SKAP1: variants seen among roughly 807,000 people sequenced by gnomAD.
SKAP1 encodes src kinase associated phosphoprotein 1, also known as src kinase-associated phosphoprotein 1.
A neutral mutation model predicts 58.5 loss-of-function variants in SKAP1; 44 were observed. That is an observed-to-expected ratio of 0.75 (90% CI 0.59 to 0.97). SKAP1 has a LOEUF of 0.97. Among genes scored for constraint, SKAP1 ranks in the 50% least tolerant of loss-of-function variants. The pLI is 0.00. For missense variants in SKAP1, 390 were observed against 435.2 expected, an observed-to-expected ratio of 0.90 and a Z score of 0.92; for synonymous variants, 127 against 149.7, an observed-to-expected ratio of 0.85 and a Z score of 1.11.
chr17:48,394,202 C>T (rs2144523575), intron 2 of SKAP1, among the ~76,000 whole-genome samples: 1 of 152,076 alleles, frequency 6.6e-6, no homozygotes, highest in African/African-American at 2.4e-5. Flanking sequence ...CAGCCTGGGC[C>T]ACAGAGTGAG....
intron 2 of SKAP1, among the ~76,000 whole-genome samples, chr17:48,379,312 C>T (rs1352296540): frequency 6.6e-6 from 1 of 152,152 alleles, no homozygotes; most frequent in Non-Finnish European, 1.5e-5. Context: ...AATACAAATG[C>T]TAAAGTTACT....
intron 4 of SKAP1, among the ~76,000 whole-genome samples, chr17:48,252,133 A>G (rs2065370980): frequency 6.6e-6 from 1 of 152,224 alleles, no homozygotes; most frequent in Non-Finnish European, 1.5e-5. Context: ...TTATCAGGTC[A>G]GTGACCAACA....
intron 4 of SKAP1, among the ~76,000 whole-genome samples, chr17:48,300,985 C>T (rs904717399): frequency 2.0e-5 from 3 of 152,096 alleles, no homozygotes; most frequent in Non-Finnish European, 4.4e-5. Flanking sequence ...ATTGACTGAC[C>T]CATTTCTACC....
At chr17:48,386,980 A>G (rs1348379480) in intron 2 of SKAP1, among the ~76,000 whole-genome samples, 1 of 152,204 alleles carries the variant, frequency 6.6e-6, no homozygotes, top group Non-Finnish European at 1.5e-5. Context: ...TGAAAACTCA[A>G]TTTCACAAGA....
At chr17:48,369,594 C>G (rs1283360536) in intron 2 of SKAP1, among the ~76,000 whole-genome samples, 2 of 152,092 alleles carry the variant, frequency 1.3e-5, no homozygotes, top group East Asian at 3.8e-4. Flanking sequence ...GCAGCAGTCA[C>G]TGTAGTAGTA....
At chr17:48,157,198 C>G (rs751869635) in intron 11 of SKAP1, among the ~76,000 whole-genome samples, 3 of 151,420 alleles carry the variant, frequency 2.0e-5, no homozygotes, top group South Asian at 2.1e-4. Context: ...TCCCTGAGAA[C>G]AGGACAGGTG....
chr17:48,143,189 C>CTTTT (rs1329483693), intron 11 of SKAP1, among the ~76,000 whole-genome samples: 6 of 106,322 alleles, frequency 5.6e-5, no homozygotes, highest in African/African-American at 1.2e-4. Context: ...AATTCTTTAG[C>CTTTT]TTTTTTTTTT....
chr17:48,411,435 A>AAATAAATAAATAAATAAATG (rs1202143166), intron 1 of SKAP1, among the ~76,000 whole-genome samples: 1 of 149,690 alleles, frequency 6.7e-6, no homozygotes, highest in Non-Finnish European at 1.5e-5. Flanking sequence ...ATAAATAAAT[A>AAATAAATAAATAAATAAATG]AATGGGAGAC....
chr17:48,371,814 G>A (rs2067090648), intron 2 of SKAP1, among the ~76,000 whole-genome samples: 1 of 148,370 alleles, frequency 6.7e-6, no homozygotes, highest in South Asian at 2.1e-4. Flanking sequence ...TCCAGCCTGG[G>A]TAACACAGCA....
At chr17:48,310,163 T>TA (rs1280666188) in intron 4 of SKAP1, among the ~76,000 whole-genome samples, 3 of 152,212 alleles carry the variant, frequency 2.0e-5, no homozygotes, top group Non-Finnish European at 4.4e-5. Flanking sequence ...AGACATCAGT[T>TA]AACAAAACCC....
At chr17:48,202,861 C>A (rs1050904095) in intron 4 of SKAP1, among the ~76,000 whole-genome samples, 7 of 152,214 alleles carry the variant, frequency 4.6e-5, no homozygotes, top group Non-Finnish European at 7.3e-5. Context: ...TGAATCTAAA[C>A]TAGGCCCTGC....
chr17:48,346,894 T>C (rs1199616777), intron 3 of SKAP1, among the ~76,000 whole-genome samples: 1 of 152,222 alleles, frequency 6.6e-6, no homozygotes, highest in African/African-American at 2.4e-5. Context: ...GTTTACAGCC[T>C]AGGCAACCGA....
At chr17:48,413,523 A>AAAAAAAAAAAAAAATATATATATAT in intron 1 of SKAP1, among the ~76,000 whole-genome samples, 1 of 105,454 alleles carries the variant, frequency 9.5e-6, no homozygotes, top group African/African-American at 4.3e-5. Flanking sequence ...TCAAAAAAAA[A>AAAAAAAAAAAAAAATATATATATAT]ATATATATAT....
chr17:48,403,478 C>T (rs1465275144), intron 1 of SKAP1, among the ~76,000 whole-genome samples: 2 of 151,668 alleles, frequency 1.3e-5, no homozygotes, highest in African/African-American at 2.4e-5. Flanking sequence ...AATAACAACA[C>T]CTACACATAT....
chr17:48,267,737 C>G (rs1170387891), intron 4 of SKAP1, among the ~76,000 whole-genome samples: 1 of 152,114 alleles, frequency 6.6e-6, no homozygotes, highest in Non-Finnish European at 1.5e-5. Context: ...CTTTTCACCA[C>G]TTGCTCTTAA....
chr17:48,410,709 T>C (rs977103817), intron 1 of SKAP1, among the ~76,000 whole-genome samples: 5 of 151,672 alleles, frequency 3.3e-5, no homozygotes, highest in Non-Finnish European at 7.4e-5. Context: ...GGCGGATCAC[T>C]TGAGGTGAGG....
chr17:48,383,529 T>A (rs2067242476), intron 2 of SKAP1, among the ~76,000 whole-genome samples: 1 of 152,154 alleles, frequency 6.6e-6, no homozygotes, highest in African/African-American at 2.4e-5. Context: ...TAATTTCATT[T>A]TCATGTGTAT....
chr17:48,244,368 A>G (rs1223203823), intron 4 of SKAP1, among the ~76,000 whole-genome samples: 1 of 152,168 alleles, frequency 6.6e-6, no homozygotes, highest in Non-Finnish European at 1.5e-5. Flanking sequence ...ACACTCCCCA[A>G]ATGGAAGGAA....
At chr17:48,385,871 G>C (rs2067268949) in intron 2 of SKAP1, among the ~76,000 whole-genome samples, 1 of 152,152 alleles carries the variant, frequency 6.6e-6, no homozygotes, top group South Asian at 2.1e-4. Flanking sequence ...AGAAAGAGGA[G>C]AAATGGTAGA....
Sources: gnomAD v4.1 joint callset for allele counts (sites outside exome capture counted in the v4.1 genomes callset) on GRCh38, gnomAD v4.1.1 for gene constraint, MANE v1.5 for transcripts, NCBI Gene and HGNC (gene_info 2026-07-23, HGNC 2026-07-21) for gene names.